The following DNAH7 variants were observed in gnomAD, a reference collection of about 807,000 sequenced individuals.
DNAH7 encodes the protein axonemal beta dynein heavy chain 7.
A neutral mutation model predicts 444.6 loss-of-function variants in DNAH7; 397 were observed. The ratio of observed to expected loss-of-function variants is 0.89; its 90% CI spans 0.82 to 0.97. DNAH7 has a LOEUF of 0.97. Ranked by LOEUF, DNAH7 falls within the 50% of genes least tolerant of loss-of-function variation. The pLI, the probability that DNAH7 is intolerant of heterozygous loss-of-function variation, is 0.00. For synonymous variants in DNAH7, 1,636 were observed against 1,624.4 expected (o/e 1.01, Z -0.17); for missense variants, 4,902 against 4,800.8 (o/e 1.02, Z -0.62).
At chr2:196,060,199 C>G (rs560267218) in intron 1 of DNAH7, among the ~76,000 whole-genome samples, 4 of 152,196 alleles carry the variant, frequency 2.6e-5, no homozygotes, top group African/African-American at 7.2e-5. Context: ...GCCTGGGCAA[C>G]AGAGAGAGAC....
At chr2:195,978,706 A>T (rs1692362211) in intron 15 of DNAH7, among the ~76,000 whole-genome samples, 1 of 152,226 alleles carries the variant, frequency 6.6e-6, no homozygotes, top group South Asian at 2.1e-4. Flanking sequence ...AGACACACAT[A>T]GCCTGACAAT....
At chr2:195,740,678 TAC>T (rs1005432879) in intron 64 of DNAH7, 86 bp downstream of exon 64, 26 of 277,290 alleles carry the variant, frequency 9.4e-5, no homozygotes, top group Middle Eastern at 1.4e-3. Flanking sequence ...TACACATATA[TAC>T]ACACAATATG....
intron 49 of DNAH7, among the ~76,000 whole-genome samples, chr2:195,819,554 G>A (rs1425432447): frequency 1.3e-5 from 2 of 152,094 alleles, no homozygotes; most frequent in East Asian, 3.9e-4. Context: ...ATGATATAAA[G>A]AAGAGTAAGA....
chr2:195,959,256 A>T (rs1252034129), intron 18 of DNAH7, among the ~76,000 whole-genome samples: 1 of 152,138 alleles, frequency 6.6e-6, no homozygotes, highest in African/African-American at 2.4e-5. Flanking sequence ...TTTTCTTTCA[A>T]TGCTTATCAC....
chr2:195,856,798 C>T (rs1268485348), intron 44 of DNAH7, among the ~76,000 whole-genome samples: 5 of 152,162 alleles, frequency 3.3e-5, no homozygotes, highest in South Asian at 2.1e-4. Context: ...GGTCTTCCCT[C>T]GTCCAACTAA....
intron 45 of DNAH7, among the ~76,000 whole-genome samples, chr2:195,854,335 A>AAAACG (rs1363346538): frequency 6.6e-6 from 1 of 152,200 alleles, no homozygotes; most frequent in East Asian, 1.9e-4. Context: ...ACAATCAACA[A>AAAACG]AAACGAAGAC....
At chr2:195,880,047 T>C (rs190145921) in intron 36 of DNAH7, among the ~76,000 whole-genome samples, 13 of 152,290 alleles carry the variant, frequency 8.5e-5, no homozygotes, top group South Asian at 4.1e-4. Flanking sequence ...TTATTTAAAA[T>C]ATAAATAGAC....
chr2:195,829,401 C>T (rs1232017379), intron 48 of DNAH7, among the ~76,000 whole-genome samples: 1 of 151,932 alleles, frequency 6.6e-6, no homozygotes, highest in African/African-American at 2.4e-5. Flanking sequence ...TGTTATAGCA[C>T]CTTCATTGTT....
intron 5 of DNAH7, among the ~76,000 whole-genome samples, chr2:196,031,296 G>A (rs1696040653): frequency 6.6e-6 from 1 of 152,188 alleles, no homozygotes; most frequent in Non-Finnish European, 1.5e-5. Flanking sequence ...TCCCTAGCCT[G>A]CACACAGCAC....
intron 61 of DNAH7, 26 bp from the exon 62 acceptor site, chr2:195,756,311 T>C: frequency 6.4e-7 from 1 of 1,572,368 alleles, no homozygotes; most frequent in Non-Finnish European, 8.7e-7. Flanking sequence ...CCTTGGTTAA[T>C]ATAATAGTAT....
At chr2:195,848,034 G>C (rs954843037) in intron 46 of DNAH7, among the ~76,000 whole-genome samples, 1 of 152,218 alleles carries the variant, frequency 6.6e-6, no homozygotes, top group Non-Finnish European at 1.5e-5. Flanking sequence ...CATAACTGGA[G>C]AGAAAGGAGT....
intron 60 of DNAH7, 113 bp downstream of exon 60, chr2:195,775,733 A>G: frequency 8.3e-7 from 1 of 1,202,760 alleles, no homozygotes. Flanking sequence ...TTTCCTTTAA[A>G]TGTTTCTCCA....
chr2:195,790,938 T>G (rs924008629), intron 57 of DNAH7, among the ~76,000 whole-genome samples: 1 of 152,148 alleles, frequency 6.6e-6, no homozygotes, highest in Non-Finnish European at 1.5e-5. Context: ...TTGCAAACTA[T>G]GTATCTGACA....
intron 24 of DNAH7, among the ~76,000 whole-genome samples, chr2:195,917,145 T>G: frequency 7.0e-6 from 1 of 143,088 alleles, no homozygotes; most frequent in African/African-American, 2.6e-5. Context: ...TGCACTCCAG[T>G]CTGGGTGACA....
chr2:195,919,979 C>A (rs1687926179), intron 24 of DNAH7, among the ~76,000 whole-genome samples: 1 of 152,102 alleles, frequency 6.6e-6, no homozygotes, highest in Non-Finnish European at 1.5e-5. Flanking sequence ...GATATGGGGT[C>A]TTCAAGATGT....
At chr2:195,753,848 T>C (rs1693934062) in intron 63 of DNAH7, among the ~76,000 whole-genome samples, 3 of 152,130 alleles carry the variant, frequency 2.0e-5, no homozygotes, top group African/African-American at 7.2e-5. Flanking sequence ...TGTTAAGCTA[T>C]AGGTTTTGGA....
intron 21 of DNAH7, among the ~76,000 whole-genome samples, chr2:195,927,407 G>C (rs1475723354): frequency 6.6e-6 from 1 of 152,022 alleles, no homozygotes; most frequent in African/African-American, 2.4e-5. Context: ...CAATGATAAA[G>C]GGCAGAATGC....
In DNAH7 at chr2:195,960,805, T is replaced by G; in HGVS notation, c.2346A>C (p.Ala782=). 6.2e-7 allele frequency: 1 copy of G among 1,614,202 alleles called. No homozygotes were observed. Among genetic ancestry groups the G allele is most frequent in the South Asian group, 1.1e-5 (1 of 91,082 alleles). The stretch of plus-strand genomic sequence containing the variant: ...CTTTATGATATGGCCCTTCTGTCCA[T>G]GCTCTATAGTTGCTGCTAAATTCGA... ...TAVEFSSNYR[A]WTEGPYHKVN... The change falls in exon 18 of 65, where the codon GCA becomes GCC. Residue 782 remains alanine (A), a synonymous_variant. Transcript: ENST00000312428.
intron 58 of DNAH7, among the ~76,000 whole-genome samples, chr2:195,781,566 G>T (rs1695376619): frequency 6.6e-6 from 1 of 152,074 alleles, no homozygotes; most frequent in Non-Finnish European, 1.5e-5. Flanking sequence ...TTACAAGAGG[G>T]TTGAGACAAT....
Sources: allele counts gnomAD v4.1 joint callset (sites outside exome capture counted in the v4.1 genomes callset), GRCh38; gene constraint gnomAD v4.1.1; transcripts MANE v1.5; gene names NCBI Gene and HGNC (gene_info 2026-07-23, HGNC 2026-07-21).